Variants in CDH13 observed in about 807,000 individuals in gnomAD.
CDH13 encodes the protein cadherin-13.
CDH13 carries 24 observed loss-of-function variants against 63.8 expected under a neutral mutation model. That is an observed-to-expected ratio of 0.38 (90% confidence interval 0.27 to 0.53). CDH13 has a LOEUF of 0.53. Ranked by LOEUF, CDH13 falls within the 20% of genes least tolerant of loss-of-function variation. The pLI is 0.85. For synonymous variants in CDH13, 503 were observed against 355.3 expected, an observed-to-expected ratio of 1.42 and a Z score of -4.67; for missense variants, 1,049 against 903.1, an observed-to-expected ratio of 1.16 and a Z score of -2.07.
chr16:83,685,304 A>T (rs533843670), intron 10 of CDH13, among the ~76,000 whole-genome samples: 6 of 152,212 alleles, frequency 3.9e-5, no homozygotes, highest in Non-Finnish European at 7.3e-5. Flanking sequence ...GGTAGATGGC[A>T]CTTTCTGCCA....
intron 8 of CDH13, among the ~76,000 whole-genome samples, chr16:83,652,765 G>C (rs1189228173): frequency 6.6e-6 from 1 of 152,158 alleles, no homozygotes; most frequent in Non-Finnish European, 1.5e-5. Flanking sequence ...CTGCAGCCTG[G>C]AGTCCCCATA....
At chr16:83,246,928 T>A (rs1019672001) in intron 5 of CDH13, among the ~76,000 whole-genome samples, 2 of 152,246 alleles carry the variant, frequency 1.3e-5, no homozygotes, top group Non-Finnish European at 2.9e-5. Flanking sequence ...AATGCAGCTC[T>A]CTGCCTTGGT....
At chr16:83,711,043 C>T (rs1465845451) in intron 10 of CDH13, among the ~76,000 whole-genome samples, 1 of 152,184 alleles carries the variant, frequency 6.6e-6, no homozygotes, top group Non-Finnish European at 1.5e-5. Context: ...TCATTCTGGC[C>T]ACCAGCAGAG....
At chr16:82,928,565 T>G (rs2042379984) in intron 2 of CDH13, among the ~76,000 whole-genome samples, 1 of 152,228 alleles carries the variant, frequency 6.6e-6, no homozygotes, top group South Asian at 2.1e-4. Flanking sequence ...ATTCTACTGT[T>G]GTTTTCATTT....
intron 7 of CDH13, among the ~76,000 whole-genome samples, chr16:83,555,259 TA>T (rs370014266): frequency 5.8e-4 from 88 of 152,206 alleles, no homozygotes; most frequent in African/African-American, 2.0e-3. Context: ...GAAACAGGCA[TA>T]GGGGTATCTT....
intron 1 of CDH13, among the ~76,000 whole-genome samples, chr16:82,770,341 G>T (rs2035214734): frequency 6.6e-6 from 1 of 152,162 alleles, no homozygotes; most frequent in South Asian, 2.1e-4. Context: ...CTTAATTAGA[G>T]AAAATTTGGA....
chr16:83,359,234 C>G (rs887184704), intron 6 of CDH13, among the ~76,000 whole-genome samples: 2 of 152,146 alleles, frequency 1.3e-5, no homozygotes, highest in Non-Finnish European at 1.5e-5. Flanking sequence ...TATGTTTCCA[C>G]TGTGATTATG....
chr16:83,406,585 T>C (rs566041599), intron 6 of CDH13, among the ~76,000 whole-genome samples: 2 of 152,278 alleles, frequency 1.3e-5, no homozygotes, highest in South Asian at 4.1e-4. Flanking sequence ...TGCCTTAGCC[T>C]CCCAAGTAGT....
At position 83,227,293 on chromosome 16, in the gene CDH13, C is replaced by T. The variant is rs544809592; in HGVS notation, c.636+9796C>T. Among the ~76,000 whole-genome samples, 8 of 152,280 alleles carry T rather than the reference C, an allele frequency of 5.3e-5. No individual in the cohort carries two copies. The East Asian group carries it at 1.6e-3, about 30-fold the overall frequency. On this transcript the variant is annotated intron_variant, in intron 5 of 13. Coordinates refer to ENST00000567109, the MANE Select transcript of CDH13 (RefSeq NM_001257.5). ...GAAGTGCTGGTCTTCAGGGGTGGGT[C>T]ACCGTGGTGACATCTCCCGCAGTGG...
rs556886200 is a variant in CDH13 at position 83,488,822 on chromosome 16, A to G, written c.960+2167A>G. ...ATATTTTTAGTAGAGATGGGGTTTC[A>G]CTATATTGGTCAGGCTTGTCCCAAA... On this transcript the variant is annotated intron_variant, in intron 7 of 13. Transcript: ENST00000567109. Among the ~76,000 whole-genome samples, 10 of 152,150 alleles carry G rather than the reference A, an allele frequency of 6.6e-5. No homozygotes were observed. The South Asian group carries it at 2.1e-3, about 32-fold the overall frequency.
At chr16:82,680,287 G>A (rs1914403889) in intron 1 of CDH13, among the ~76,000 whole-genome samples, 1 of 152,228 alleles carries the variant, frequency 6.6e-6, no homozygotes, top group African/African-American at 2.4e-5. Flanking sequence ...TCTGTTCTAA[G>A]TACTTTCTGC....
At chr16:82,891,054 TAAG>T (rs1567635068) in intron 2 of CDH13, among the ~76,000 whole-genome samples, 11 of 137,290 alleles carry the variant, frequency 8.0e-5, no homozygotes, top group African/African-American at 5.2e-5. Flanking sequence ...TTTTTTTTTT[TAAG>T]TTTTGTTGTT....
intron 11 of CDH13, among the ~76,000 whole-genome samples, chr16:83,757,348 C>A (rs575323783): frequency 2.0e-5 from 3 of 152,188 alleles, no homozygotes; most frequent in East Asian, 3.9e-4. Context: ...GAGGCTGAGG[C>A]GGGTGAATCA....
intron 3 of CDH13, among the ~76,000 whole-genome samples, chr16:83,061,010 T>C (rs1326887492): frequency 6.6e-6 from 1 of 152,232 alleles, no homozygotes; most frequent in African/African-American, 2.4e-5. Context: ...TGGCACATAG[T>C]GGGTGCTTAA....
intron 6 of CDH13, among the ~76,000 whole-genome samples, chr16:83,434,847 A>ATGTGTGTGTGTGTGTG (rs1267789287): frequency 1.6e-4 from 13 of 81,520 alleles, no homozygotes; most frequent in South Asian, 4.4e-4. Context: ...ATATATATAT[A>ATGTGTGTGTGTGTGTG]TGTGTGTGCG....
intron 3 of CDH13, among the ~76,000 whole-genome samples, chr16:83,062,760 A>G (rs958832346): frequency 5.3e-5 from 8 of 152,208 alleles, no homozygotes; most frequent in Admixed American, 2.6e-4. Flanking sequence ...CTGTGGGTCA[A>G]GAATTCCAGC....
intron 11 of CDH13, among the ~76,000 whole-genome samples, chr16:83,759,286 T>G (rs923905412): frequency 1.3e-5 from 2 of 152,170 alleles, no homozygotes; most frequent in Non-Finnish European, 2.9e-5. Flanking sequence ...AACACAGCAG[T>G]GCAGGTGAGA....
chr16:83,399,018 T>G (rs1428529125), intron 6 of CDH13, among the ~76,000 whole-genome samples: 1 of 152,218 alleles, frequency 6.6e-6, no homozygotes, highest in Non-Finnish European at 1.5e-5. Context: ...ATGATGAAGC[T>G]AACACTCAAA....
Position 83,356,816 on chromosome 16 carries a change from G to A in CDH13, c.781+11810G>A, listed in dbSNP as rs1019569438. Among the ~76,000 whole-genome samples the A allele has an allele frequency of 2.0e-5, 3 of 152,126 alleles. No homozygotes were observed. In the South Asian group the frequency reaches 6.2e-4, roughly 31 times the overall value. On this transcript the variant is annotated intron_variant, in intron 6 of 13. Transcript: ENST00000567109. ...AGTTTTTCAGTATCAAAGAAAAAAA[G>A]TTTAATAGACTTACAGCTTTCTTGC... is the stretch of plus-strand genomic sequence containing the variant.
Sources: gnomAD v4.1 joint callset for allele counts (sites outside exome capture counted in the v4.1 genomes callset) on GRCh38, gnomAD v4.1.1 for gene constraint, MANE v1.5 for transcripts, NCBI Gene and HGNC (gene_info 2026-07-23, HGNC 2026-07-21) for gene names.